The following NUP107 variants were observed in gnomAD, a reference collection of about 807,000 sequenced individuals.
NUP107 encodes nuclear pore complex protein Nup107.
In NUP107, 101 loss-of-function variants were observed where a neutral mutation model predicts 141.0. That is an observed-to-expected ratio of 0.72 (90% CI 0.61 to 0.84). The LOEUF is 0.84. Among genes scored for constraint, NUP107 ranks in the 40% least tolerant of loss-of-function variants. NUP107 has a pLI of 0.00. For synonymous variants in NUP107, 319 were observed against 363.9 expected (o/e 0.88, Z 1.41); for missense variants, 941 against 1,102.7 (o/e 0.85, Z 2.08).
At chr12:68,733,041 G>T (rs1382000906) in intron 23 of NUP107, among the ~76,000 whole-genome samples, 1 of 151,984 alleles carries the variant, frequency 6.6e-6, no homozygotes, top group Non-Finnish European at 1.5e-5. Flanking sequence ...ATTTGGGGTG[G>T]GGGGTTGCTT....
intron 21 of NUP107, 74 bp downstream of exon 21, chr12:68,731,334 C>G: frequency 3.6e-6 from 5 of 1,393,782 alleles, no homozygotes; most frequent in Admixed American, 5.3e-5. Context: ...AACATTTGTC[C>G]TTATAGTTTT....
chr12:68,722,300 A>G, intron 17 of NUP107, 148 bp downstream of exon 17: 1 of 635,580 alleles, frequency 1.6e-6, no homozygotes, highest in South Asian at 3.0e-5. Flanking sequence ...AAGAAACTTA[A>G]TTACATAAAT....
chr12:68,730,108 C>T (rs1025207490), intron 20 of NUP107, among the ~76,000 whole-genome samples: 17 of 151,562 alleles, frequency 1.1e-4, no homozygotes, highest in East Asian at 5.8e-4. Flanking sequence ...ACTATAGACA[C>T]GTGCCACCAT....
At chr12:68,715,386 C>G (rs959323522) in intron 11 of NUP107, among the ~76,000 whole-genome samples, 1 of 151,992 alleles carries the variant, frequency 6.6e-6, no homozygotes, top group African/African-American at 2.4e-5. Flanking sequence ...CCCAGCTGCT[C>G]GGGAGGCCGA....
chr12:68,703,617 A>T (rs1372437318), intron 8 of NUP107, among the ~76,000 whole-genome samples: 1 of 151,880 alleles, frequency 6.6e-6, no homozygotes, highest in Non-Finnish European at 1.5e-5. Context: ...CGCCTGGCTA[A>T]TTTTTGTGTT....
chr12:68,713,319 G>A (rs754313229), intron 10 of NUP107, among the ~76,000 whole-genome samples: 24 of 149,538 alleles, frequency 1.6e-4, no homozygotes, highest in Non-Finnish European at 2.7e-4. Flanking sequence ...AGGCTGCAGT[G>A]AGTCATGATT....
chr12:68,699,244 G>A (rs1377267132), intron 6 of NUP107, among the ~76,000 whole-genome samples: 1 of 152,060 alleles, frequency 6.6e-6, no homozygotes, highest in Non-Finnish European at 1.5e-5. Context: ...GTGGTGGTGG[G>A]CACCTGTAAT....
chr12:68,709,794 C>G (rs1451006383), intron 9 of NUP107, among the ~76,000 whole-genome samples: 1 of 151,520 alleles, frequency 6.6e-6, no homozygotes, highest in Non-Finnish European at 1.5e-5. Flanking sequence ...GAGGCTGAGG[C>G]AGGAGAATGA....
intron 10 of NUP107, among the ~76,000 whole-genome samples, chr12:68,710,583 A>C (rs1292806274): frequency 6.9e-6 from 1 of 144,816 alleles, no homozygotes; most frequent in Non-Finnish European, 1.5e-5. Context: ...GAAATCCAGG[A>C]GGTGGAGGTT....
rs567608350 is a variant in NUP107, at chr12:68,728,060, A to G, written c.1734+671A>G. 3.9e-4 allele frequency among the ~76,000 whole-genome samples: 59 copies of G among 152,226 alleles called. 2 individuals carry two copies. The highest frequency in any genetic ancestry group is 3.4e-3 in the Admixed American group (52 of 15,276). On this transcript the variant is annotated intron_variant, in intron 20 of 27. Coordinates refer to ENST00000229179, the MANE Select transcript of NUP107 (RefSeq NM_020401.4). The stretch of plus-strand genomic sequence containing the variant: ...CACTTTGGGAGGCAGAGGCGAGAGG[A>G]CTGCTTGAGTCCAGACGTTTGAGAT...
At chr12:68,692,590 C>A (rs112656562) in intron 5 of NUP107, among the ~76,000 whole-genome samples, 65 of 140,790 alleles carry the variant, frequency 4.6e-4, no homozygotes, top group Non-Finnish European at 4.6e-4. Flanking sequence ...AAAAAAAAAA[C>A]AAAAAAAAAA....
At chr12:68,725,854 T>TTG in intron 18 of NUP107, 58 bp downstream of exon 18, 2 of 981,786 alleles carry the variant, frequency 2.0e-6, no homozygotes, top group East Asian at 4.9e-5. Flanking sequence ...TTTTTTTTTT[T>TTG]GAGACAAAGT....
intron 8 of NUP107, chr12:68,706,029 TCA>T: frequency 1.2e-6 from 1 of 843,470 alleles, no homozygotes; most frequent in Non-Finnish European, 2.0e-6. Context: ...AGAAGACGGC[TCA>T]GAGCAACATG....
At chr12:68,738,497 G>T (rs1035376894) in intron 26 of NUP107, among the ~76,000 whole-genome samples, 2 of 151,924 alleles carry the variant, frequency 1.3e-5, no homozygotes, top group African/African-American at 4.8e-5. Context: ...ACATAGATAG[G>T]TTCCATGGCA....
intron 4 of NUP107, among the ~76,000 whole-genome samples, chr12:68,691,091 T>C (rs1022102811): frequency 3.3e-5 from 5 of 152,080 alleles, no homozygotes; most frequent in African/African-American, 7.2e-5. Flanking sequence ...AAATATGATA[T>C]TTGATGTAAA....
chr12:68,742,004 T>C, intron 27 of NUP107, 24 bp downstream of exon 27: 1 of 1,529,954 alleles, frequency 6.5e-7, no homozygotes, highest in Non-Finnish European at 8.8e-7. Flanking sequence ...CCTTGTAGTT[T>C]TAAATTTTAA....
intron 26 of NUP107, among the ~76,000 whole-genome samples, chr12:68,739,156 A>G (rs1007586259): frequency 5.9e-5 from 9 of 151,722 alleles, no homozygotes; most frequent in Admixed American, 1.3e-4. Context: ...CCTCTCCCCA[A>G]CCCAACCACC....
intron 5 of NUP107, 55 bp downstream of exon 5, chr12:68,692,167 G>A (rs1344217142): frequency 6.9e-7 from 1 of 1,448,914 alleles, no homozygotes; most frequent in Non-Finnish European, 9.2e-7. Flanking sequence ...CAAGATGAAG[G>A]AAACCATTTC....
chr12:68,719,363 G>C lies in NUP107; in HGVS notation c.1106G>C (p.Cys369Ser). The change falls in exon 13 of 28, where the codon TGT becomes TCT. Residue 369 changes from cysteine (C) to serine (S), a missense_variant. Transcript: ENST00000229179. Reference protein sequence around the residue: ...TEEAQRLCKRCGQAWRAATLE... With the variant: ...TEEAQRLCKRSGQAWRAATLE... ...AAGGCACAACGACTCTGTAAACGCTGTGGTCAAGCATGGAGAGCTGCAACA... is the reference window on the plus strand; with the variant it reads ...AAGGCACAACGACTCTGTAAACGCTCTGGTCAAGCATGGAGAGCTGCAACA... The C allele has an allele frequency of 6.2e-7, 1 of 1,614,120 alleles. No individual in the cohort carries two copies.
Sources: allele counts gnomAD v4.1 joint callset (sites outside exome capture counted in the v4.1 genomes callset), GRCh38; gene constraint gnomAD v4.1.1; transcripts MANE v1.5; gene names NCBI Gene and HGNC (gene_info 2026-07-23, HGNC 2026-07-21).